Variants in ALMS1 observed in about 807,000 individuals in gnomAD.
ALMS1 encodes centrosome-associated protein ALMS1.
ALMS1 carries 271 observed loss-of-function variants against 352.2 expected under a neutral mutation model. The ratio of observed to expected loss-of-function variants is 0.77; its 90% CI spans 0.70 to 0.85. The LOEUF (loss-of-function observed/expected upper bound fraction) is 0.85. Ranked by LOEUF, ALMS1 falls within the 40% of genes least tolerant of loss-of-function variation. The probability of loss-of-function intolerance (pLI) is 0.00; values close to 1 mark genes in which losing one functional copy is unlikely to be tolerated. For missense variants in ALMS1, 5,445 were observed against 4,870.7 expected, an observed-to-expected ratio of 1.12 and a Z score of -3.51; for synonymous variants, 1,865 against 1,761.2, an observed-to-expected ratio of 1.06 and a Z score of -1.48.
chr2:73,399,096 C>T (rs1670821168), intron 1 of ALMS1, among the ~76,000 whole-genome samples: 1 of 152,136 alleles, frequency 6.6e-6, no homozygotes, highest in African/African-American at 2.4e-5. Context: ...TGTGATCTGC[C>T]CTTCTCAGCC....
chr2:73,417,893 A>G (rs966609347), intron 2 of ALMS1, among the ~76,000 whole-genome samples: 1 of 152,166 alleles, frequency 6.6e-6, no homozygotes, highest in Non-Finnish European at 1.5e-5. Flanking sequence ...TTAATTCAGC[A>G]TTGTTATTTA....
intron 10 of ALMS1, among the ~76,000 whole-genome samples, chr2:73,504,505 A>G (rs531999929): frequency 6.6e-6 from 1 of 152,294 alleles, no homozygotes; most frequent in East Asian, 1.9e-4. Context: ...TATAGATGGA[A>G]TCCAACATGT....
chr2:73,410,292 G>A (rs1333549028), intron 2 of ALMS1, among the ~76,000 whole-genome samples: 1 of 152,144 alleles, frequency 6.6e-6, no homozygotes, highest in Non-Finnish European at 1.5e-5. Context: ...GGGAGGCTGA[G>A]GCAAGAGAAT....
chr2:73,512,272 A>C (rs1022343423), intron 10 of ALMS1, among the ~76,000 whole-genome samples: 1 of 151,974 alleles, frequency 6.6e-6, no homozygotes, highest in African/African-American at 2.4e-5. Flanking sequence ...TTTAGTAGAG[A>C]TGGGGTTTCA....
At chr2:73,462,475 A>G (rs1435868985) in intron 9 of ALMS1, among the ~76,000 whole-genome samples, 7 of 152,342 alleles carry the variant, frequency 4.6e-5, no homozygotes, top group African/African-American at 9.6e-5. Context: ...ATGGAAAGGA[A>G]CAACTGGTAC....
intron 3 of ALMS1, among the ~76,000 whole-genome samples, chr2:73,420,095 T>A (rs933351378): frequency 6.6e-6 from 1 of 152,214 alleles, no homozygotes; most frequent in African/African-American, 2.4e-5. Flanking sequence ...AGGACTATCT[T>A]TTGATAGACA....
Position 73,559,017 on chromosome 2 carries a change from AC to A in ALMS1, c.10262del (p.Pro3421GlnfsTer3), listed in dbSNP as rs2104063769. 1.2e-6 allele frequency: 2 copies of A among 1,614,004 alleles called. No homozygotes were observed. Among genetic ancestry groups the A allele is most frequent in the Non-Finnish European group, 8.5e-7 (1 of 1,179,952 alleles). ...GCAGAGCACTCAGCTCAAGTAGGAG[AC>A]CCAGAAATGAAGAACTTGCCAGACA... The part of the protein sequence containing the change: ...AAAEHSAQVG[D>X]PEMKNLPDTK... On this transcript the variant is annotated frameshift_variant, in exon 15 of 23. Coordinates refer to ENST00000613296, the MANE Select transcript of ALMS1 (RefSeq NM_001378454.1). LOFTEE classifies it high-confidence loss of function.
At chr2:73,607,311 A>G (rs990179613) in intron 21 of ALMS1, among the ~76,000 whole-genome samples, 1 of 152,196 alleles carries the variant, frequency 6.6e-6, no homozygotes, top group African/African-American at 2.4e-5. Context: ...TATACATTCC[A>G]TTATACTTCA....
At chr2:73,517,253 T>TTTTTTTTTTTTTTTC (rs1287645899) in intron 10 of ALMS1, among the ~76,000 whole-genome samples, 2 of 140,904 alleles carry the variant, frequency 1.4e-5, no homozygotes, top group Non-Finnish European at 3.0e-5. Flanking sequence ...AGTCTTTTTT[T>TTTTTTTTTTTTTTTC]TTTTTTTTTT....
At chr2:73,486,284 G>C (rs868395273) in intron 9 of ALMS1, among the ~76,000 whole-genome samples, 5 of 152,186 alleles carry the variant, frequency 3.3e-5, no homozygotes, top group Middle Eastern at 3.4e-3. Context: ...TTGTTTTGCT[G>C]GATAGTCTAG....
At chr2:73,389,530 G>C (rs1670600396) in intron 1 of ALMS1, among the ~76,000 whole-genome samples, 2 of 151,884 alleles carry the variant, frequency 1.3e-5, no homozygotes, top group African/African-American at 4.8e-5. Flanking sequence ...TATTCTTTAG[G>C]ATTATTATAA....
chr2:73,484,540 C>G (rs1468027598), intron 9 of ALMS1, among the ~76,000 whole-genome samples: 4 of 151,386 alleles, frequency 2.6e-5, no homozygotes, highest in Admixed American at 2.6e-4. Context: ...GTGAATCTGA[C>G]AATTAATGTG....
At chr2:73,428,194 G>A (rs1039405645) in intron 6 of ALMS1, among the ~76,000 whole-genome samples, 5 of 152,032 alleles carry the variant, frequency 3.3e-5, no homozygotes, top group East Asian at 1.9e-4. Context: ...ATATCAATTC[G>A]TTTTTGTCCT....
At position 73,601,185 on chromosome 2, in the gene ALMS1, T is replaced by A. The variant is rs1022167078; in HGVS notation, c.11873-10T>A. 10 of 1,614,076 alleles carry A rather than the reference T, an allele frequency of 6.2e-6. No homozygotes were observed. Among genetic ancestry groups the A allele is most frequent in the Non-Finnish European group, 8.5e-6 (10 of 1,180,010 alleles). On this transcript the variant is annotated splice_polypyrimidine_tract_variant and intron_variant, in intron 18 of 22. Coordinates refer to ENST00000613296, the MANE Select transcript of ALMS1 (RefSeq NM_001378454.1). ...AAATCTGTGTTCCTTCTAAAAACTG[T>A]TTCCTGTAGGAGTTTCCTGGTTTGT...
At chr2:73,429,002 C>A (rs1364277811) in intron 6 of ALMS1, among the ~76,000 whole-genome samples, 1 of 152,156 alleles carries the variant, frequency 6.6e-6, no homozygotes, top group Admixed American at 6.5e-5. Context: ...GATTTTGAGT[C>A]AAAATCCAGT....
chr2:73,601,132 G>C (rs570052285), intron 18 of ALMS1, 63 bp from the exon 19 acceptor site: 1 of 1,610,578 alleles, frequency 6.2e-7, no homozygotes, highest in Non-Finnish European at 8.5e-7. Context: ...TCCTGGATAA[G>C]AGCTGGGTGG....
At chr2:73,541,971 CTA>C in intron 12 of ALMS1, among the ~76,000 whole-genome samples, 1 of 152,162 alleles carries the variant, frequency 6.6e-6, no homozygotes, top group Non-Finnish European at 1.5e-5. Flanking sequence ...CCTTCTGAAA[CTA>C]TTCCAATCAA....
At chr2:73,398,437 G>A (rs1670807726) in intron 1 of ALMS1, among the ~76,000 whole-genome samples, 2 of 152,052 alleles carry the variant, frequency 1.3e-5, no homozygotes, top group Admixed American at 1.3e-4. Flanking sequence ...GGAGTCTTTT[G>A]CCCCTCCATA....
intron 9 of ALMS1, among the ~76,000 whole-genome samples, chr2:73,476,580 GT>G (rs1203656874): frequency 1.3e-5 from 2 of 148,382 alleles, no homozygotes; most frequent in African/African-American, 2.5e-5. Flanking sequence ...GTTTTTTTTT[GT>G]TTTTTTTTTT....
Sources: gnomAD v4.1 joint callset for allele counts (sites outside exome capture counted in the v4.1 genomes callset) on GRCh38, gnomAD v4.1.1 for gene constraint, MANE v1.5 for transcripts, NCBI Gene and HGNC (gene_info 2026-07-23, HGNC 2026-07-21) for gene names.